Variants in SAMD4A observed in about 807,000 individuals in gnomAD.
The protein encoded by SAMD4A is sterile alpha motif domain containing 4A.
A neutral mutation model predicts 81.3 loss-of-function variants in SAMD4A; 33 were observed. The observed-to-expected ratio is 0.41, with a 90% CI of 0.31 to 0.54. The LOEUF is 0.54. Among genes scored for constraint, SAMD4A ranks in the 20% least tolerant of loss-of-function variants. The pLI is 0.37. For synonymous variants in SAMD4A, 389 were observed against 382.1 expected, an observed-to-expected ratio of 1.02 and a Z score of -0.21; for missense variants, 854 against 951.1, an observed-to-expected ratio of 0.90 and a Z score of 1.34.
intron 9 of SAMD4A, among the ~76,000 whole-genome samples, chr14:54,771,381 G>A (rs899898305): frequency 1.3e-5 from 2 of 152,130 alleles, no homozygotes; most frequent in Non-Finnish European, 2.9e-5. Flanking sequence ...GCAGCATTGG[G>A]GATTTGAACC....
At chr14:54,701,991 C>A (rs1432104159) in intron 2 of SAMD4A, 71 bp from the exon 3 acceptor site, 4 of 1,489,478 alleles carry the variant, frequency 2.7e-6, no homozygotes, top group African/African-American at 2.8e-5. Flanking sequence ...CATAAAAATT[C>A]TCTTTAGAGT....
chr14:54,776,610 C>A (rs1028592101), intron 11 of SAMD4A, 70 bp downstream of exon 11: 2 of 1,421,028 alleles, frequency 1.4e-6, no homozygotes, highest in Non-Finnish European at 1.8e-6. Context: ...GCAAACCCAG[C>A]CAGAAAGTGC....
At chr14:54,586,559 A>G (rs1209283485) in intron 2 of SAMD4A, among the ~76,000 whole-genome samples, 3 of 152,104 alleles carry the variant, frequency 2.0e-5, no homozygotes, top group African/African-American at 7.2e-5. Flanking sequence ...TTATGGTTTC[A>G]CGTCTTATAT....
chr14:54,683,160 T>C (rs995792816), intron 2 of SAMD4A, among the ~76,000 whole-genome samples: 4 of 152,214 alleles, frequency 2.6e-5, no homozygotes, highest in African/African-American at 9.6e-5. Flanking sequence ...GTCATCTCCT[T>C]TCCAGGTACC....
intron 2 of SAMD4A, chr14:54,687,929 T>C: frequency 1.0e-6 from 1 of 986,420 alleles, no homozygotes; most frequent in Non-Finnish European, 1.2e-6. Context: ...GGCATCACCC[T>C]CTGTGGCTGA....
chr14:54,767,916 G>A (rs2038594991), intron 8 of SAMD4A, among the ~76,000 whole-genome samples: 1 of 152,216 alleles, frequency 6.6e-6, no homozygotes, highest in Non-Finnish European at 1.5e-5. Flanking sequence ...GCTCCCATCT[G>A]CAGCCCTGAA....
intron 2 of SAMD4A, among the ~76,000 whole-genome samples, chr14:54,583,455 T>A (rs1433551904): frequency 6.6e-6 from 1 of 152,154 alleles, no homozygotes; most frequent in African/African-American, 2.4e-5. Flanking sequence ...GAATGAATGG[T>A]GCCTCTTCAG....
At chr14:54,645,181 G>A (rs1211531880) in intron 2 of SAMD4A, among the ~76,000 whole-genome samples, 1 of 152,172 alleles carries the variant, frequency 6.6e-6, no homozygotes, top group South Asian at 2.1e-4. Context: ...AAAAGGTAAA[G>A]TTTGGACAGT....
intron 11 of SAMD4A, among the ~76,000 whole-genome samples, chr14:54,780,985 CTT>C (rs2038986022): frequency 6.6e-6 from 1 of 151,972 alleles, no homozygotes; most frequent in Non-Finnish European, 1.5e-5. Flanking sequence ...TCTTAGTTCT[CTT>C]GTCTTCCTTT....
At chr14:54,682,186 G>A (rs887588758) in intron 2 of SAMD4A, 5 of 414,502 alleles carry the variant, frequency 1.2e-5, no homozygotes, top group African/African-American at 1.1e-4. Context: ...GAATCTTGAG[G>A]TATGAGTTTA....
At chr14:54,600,930 C>G (rs1206149269) in intron 2 of SAMD4A, among the ~76,000 whole-genome samples, 1 of 152,200 alleles carries the variant, frequency 6.6e-6, no homozygotes, top group African/African-American at 2.4e-5. Flanking sequence ...CTCAGCTATG[C>G]ATAGCTATGC....
chr14:54,748,673 A>G (rs1009574955), intron 4 of SAMD4A, 142 bp from the exon 5 acceptor site: 33 of 615,406 alleles, frequency 5.4e-5, no homozygotes, highest in Non-Finnish European at 8.1e-5. Flanking sequence ...AATTAAATAC[A>G]TAGTAACATA....
upstream of SAMD4A, among the ~76,000 whole-genome samples, chr14:54,566,105 G>C (rs1328137533): frequency 6.6e-6 from 1 of 151,450 alleles, no homozygotes; most frequent in Admixed American, 6.6e-5. Context: ...GGCTCGGGCG[G>C]CTCAGTCCTC....
At chr14:54,724,031 A>AGGAG (rs1555347576) in intron 3 of SAMD4A, among the ~76,000 whole-genome samples, 7 of 151,282 alleles carry the variant, frequency 4.6e-5, no homozygotes, top group African/African-American at 1.7e-4. Flanking sequence ...GAAGGAAGGA[A>AGGAG]GGAAGGAAGG....
intron 2 of SAMD4A, among the ~76,000 whole-genome samples, chr14:54,585,658 C>T (rs916294045): frequency 6.6e-6 from 1 of 152,092 alleles, no homozygotes; most frequent in Non-Finnish European, 1.5e-5. Context: ...ATTCACATAG[C>T]GTAACTCCCA....
rs1360983511 is a variant in SAMD4A at position 54,772,781 on chromosome 14, CTT to C, written c.1716-2152_1716-2151del. On this transcript the variant is annotated intron_variant, in intron 9 of 12. Transcript: ENST00000554335. ...ATCTACCAGGTGGCCAAAATTCCGA[CTT>C]CAGAACTCAAAGGACTAGTTTTCGT... Among the ~76,000 whole-genome samples, 5 of 151,880 alleles carry C rather than the reference CTT, an allele frequency of 3.3e-5. No individual in the cohort carries two copies. In the East Asian group the frequency reaches 9.7e-4, roughly 29 times the overall value.
intron 2 of SAMD4A, among the ~76,000 whole-genome samples, chr14:54,637,796 T>C (rs980313442): frequency 1.3e-5 from 2 of 152,216 alleles, no homozygotes; most frequent in Non-Finnish European, 2.9e-5. Context: ...ATTAAATCAG[T>C]CCTAAATGGC....
chr14:54,618,695 T>C (rs937230167), intron 2 of SAMD4A, among the ~76,000 whole-genome samples: 1 of 152,232 alleles, frequency 6.6e-6, no homozygotes, highest in African/African-American at 2.4e-5. Context: ...CTAAGGTGTA[T>C]TTCCTCAGGG....
At chr14:54,566,159 C>G (rs2032924878), upstream of SAMD4A, among the ~76,000 whole-genome samples, 1 of 151,784 alleles carries the variant, frequency 6.6e-6, no homozygotes, top group Non-Finnish European at 1.5e-5. Context: ...GCTGCAGCGG[C>G]CCCGACTCGA....
Sources: allele counts gnomAD v4.1 joint callset (sites outside exome capture counted in the v4.1 genomes callset), GRCh38; gene constraint gnomAD v4.1.1; transcripts MANE v1.5; gene names NCBI Gene and HGNC (gene_info 2026-07-23, HGNC 2026-07-21).